Variants in OSBPL9 observed in about 807,000 individuals in gnomAD.
OSBPL9 encodes oxysterol-binding protein-related protein 9.
A neutral mutation model predicts 106.6 loss-of-function variants in OSBPL9; 40 were observed. That is an observed-to-expected ratio of 0.38 (90% CI 0.29 to 0.49). The LOEUF (loss-of-function observed/expected upper bound fraction) is 0.49, where lower values mean the gene tolerates loss of function less well. OSBPL9 is among the 20% of genes least tolerant of loss of function. OSBPL9 has a pLI of 0.97. For synonymous variants in OSBPL9, 269 were observed against 295.4 expected, an observed-to-expected ratio of 0.91 and a Z score of 0.92; for missense variants, 609 against 887.2, an observed-to-expected ratio of 0.69 and a Z score of 3.98.
chr1:51,644,396 G>A (rs112389191), intron 1 of OSBPL9, among the ~76,000 whole-genome samples: 5,460 of 152,000 alleles, frequency 0.036, 258 homozygotes, highest in East Asian at 0.11. Flanking sequence ...GCGCAATCTC[G>A]GCTCACTGCA....
intron 4 of OSBPL9, chr1:51,725,033 TTC>T: frequency 6.6e-6 from 1 of 152,506 alleles, no homozygotes; most frequent in East Asian, 1.9e-4. Flanking sequence ...TTCAGTTCTT[TTC>T]TCTGTTTCTT....
At chr1:51,636,583 C>G (rs563203705) in intron 1 of OSBPL9, among the ~76,000 whole-genome samples, 1 of 152,140 alleles carries the variant, frequency 6.6e-6, no homozygotes, top group East Asian at 1.9e-4. Context: ...AGTAATCCTC[C>G]TGGCTCGGCC....
chr1:51,565,586 A>G, the OSBPL9 span: 1 of 152,248 alleles, frequency 6.6e-6, no homozygotes, highest in South Asian at 2.1e-4. Context: ...GTAAGTATTA[A>G]AATAATACCT....
chr1:51,782,526 A>G, intron 16 of OSBPL9, 33 bp from the exon 17 acceptor site: 1 of 1,599,694 alleles, frequency 6.3e-7, no homozygotes, highest in East Asian at 2.2e-5. Context: ...GTGTTTTCTC[A>G]TCAAAAGAAA....
At chr1:51,656,030 G>C (rs1052323767) in intron 2 of OSBPL9, among the ~76,000 whole-genome samples, 1 of 152,178 alleles carries the variant, frequency 6.6e-6, no homozygotes, top group African/African-American at 2.4e-5. Flanking sequence ...TTCTAGATAG[G>C]CTGCTTTAGT....
chr1:51,612,431 A>G (rs767821933), upstream of OSBPL9, among the ~76,000 whole-genome samples: 10 of 152,178 alleles, frequency 6.6e-5, no homozygotes, highest in Non-Finnish European at 1.2e-4. Context: ...TTCTGAGTCT[A>G]GTCCTTTTTT....
intron 3 of OSBPL9, among the ~76,000 whole-genome samples, chr1:51,710,680 TGTC>T (rs1417791774): frequency 6.6e-6 from 1 of 152,254 alleles, no homozygotes; most frequent in Non-Finnish European, 1.5e-5. Flanking sequence ...AGCCATTAAA[TGTC>T]GTACTCTATT....
chr1:51,692,439 T>C (rs1179602868), intron 3 of OSBPL9, among the ~76,000 whole-genome samples: 2 of 152,204 alleles, frequency 1.3e-5, no homozygotes, highest in Non-Finnish European at 2.9e-5. Flanking sequence ...TGCCATACTT[T>C]TTTATGACTG....
At chr1:51,690,779 A>G (rs1418416392) in intron 3 of OSBPL9, among the ~76,000 whole-genome samples, 10 of 152,224 alleles carry the variant, frequency 6.6e-5, no homozygotes, top group African/African-American at 1.9e-4. Flanking sequence ...ATGAATAAGT[A>G]TACAATCATG....
At chr1:51,774,791 T>G (rs1423015864) in intron 14 of OSBPL9, among the ~76,000 whole-genome samples, 1 of 152,216 alleles carries the variant, frequency 6.6e-6, no homozygotes, top group African/African-American at 2.4e-5. Context: ...CTTAATAGCA[T>G]GTATCAGTAT....
chr1:51,539,238 C>A, the OSBPL9 span, among the ~76,000 whole-genome samples: 1 of 152,058 alleles, frequency 6.6e-6, no homozygotes, highest in African/African-American at 2.4e-5. Flanking sequence ...GCCTCGAGTC[C>A]TAATCTCTGT....
At chr1:51,552,680 A>C in the OSBPL9 span, among the ~76,000 whole-genome samples, 3 of 152,050 alleles carry the variant, frequency 2.0e-5, no homozygotes, top group African/African-American at 7.2e-5. Flanking sequence ...ATTGGAGTGC[A>C]GTGGTCCAAT....
intron 2 of OSBPL9, among the ~76,000 whole-genome samples, chr1:51,604,869 C>T (rs936226230): frequency 6.6e-6 from 1 of 152,090 alleles, no homozygotes; most frequent in Non-Finnish European, 1.5e-5. Context: ...TCAGGCTAAT[C>T]TTGAACTCCT....
the OSBPL9 span, among the ~76,000 whole-genome samples, chr1:51,539,584 T>C: frequency 6.6e-6 from 1 of 152,174 alleles, no homozygotes; most frequent in Non-Finnish European, 1.5e-5. Context: ...TTAGTGTCTA[T>C]TATGTGCCAG....
upstream of OSBPL9, among the ~76,000 whole-genome samples, chr1:51,612,814 G>A (rs753141918): frequency 6.6e-6 from 1 of 152,202 alleles, no homozygotes; most frequent in Non-Finnish European, 1.5e-5. Flanking sequence ...AAGTGATCAA[G>A]ACATTTATAC....
chr1:51,778,643 A>T (rs1474570994), intron 15 of OSBPL9, among the ~76,000 whole-genome samples: 2 of 152,312 alleles, frequency 1.3e-5, no homozygotes, highest in East Asian at 3.9e-4. Flanking sequence ...AGCAACAAAA[A>T]TTGACTAAAA....
chr1:51,711,861 C>T (rs933381521), intron 3 of OSBPL9, among the ~76,000 whole-genome samples: 3 of 151,042 alleles, frequency 2.0e-5, no homozygotes, highest in Non-Finnish European at 3.0e-5. Flanking sequence ...TGATGGTGGC[C>T]GGGAAGAGGC....
chr1:51,781,514 AGATGAGGATGG>A (rs2149143324), intron 16 of OSBPL9, 179 bp downstream of exon 16: 1 of 607,662 alleles, frequency 1.6e-6, no homozygotes, highest in South Asian at 2.2e-5. Context: ...GAGTAGGATG[AGATGAGGATGG>A]GGATGTAGAA....
At chr1:51,622,232 T>G (rs1474301488) in intron 1 of OSBPL9, among the ~76,000 whole-genome samples, 2 of 152,158 alleles carry the variant, frequency 1.3e-5, no homozygotes, top group Non-Finnish European at 2.9e-5. Flanking sequence ...GACATAAAGA[T>G]GTGTTACAGT....
Sources: allele counts gnomAD v4.1 joint callset (sites outside exome capture counted in the v4.1 genomes callset), GRCh38; gene constraint gnomAD v4.1.1; transcripts MANE v1.5; gene names NCBI Gene and HGNC (gene_info 2026-07-23, HGNC 2026-07-21).